The following SLC7A8 variants were observed in gnomAD, a reference collection of about 807,000 sequenced individuals.
SLC7A8 encodes the protein solute carrier family 7 member 8.
SLC7A8 carries 30 observed loss-of-function variants against 51.2 expected under a neutral mutation model. The ratio of observed to expected loss-of-function variants is 0.59; its 90% CI spans 0.44 to 0.80. The LOEUF (loss-of-function observed/expected upper bound fraction) is 0.80, where lower values mean the gene tolerates loss of function less well. SLC7A8 is among the 30% of genes least tolerant of loss of function. SLC7A8 has a pLI of 0.00. For synonymous variants in SLC7A8, 257 were observed against 275.8 expected (o/e 0.93, Z 0.67); for missense variants, 612 against 674.4 (o/e 0.91, Z 1.03).
In SLC7A8 at chr14:23,182,775, C is replaced by A; in HGVS notation, c.140G>T (p.Gly47Val). The change falls in exon 1 of 11, where the codon GGT (glycine) becomes GTT (valine). Residue 47 changes from glycine to valine, a missense_variant. Physicochemically the swap from Gly to Val is moderately radical, Grantham distance 109. Transcript: ENST00000316902. ...KKEIGLVSAC[G>V]IIVGNIIGSG... Reference sequence around the variant, plus strand: ...GGAATGGAACTCACCTACGATGATACCACAGGCACTGACCAATCCGATCTC... The same window carrying A: ...GGAATGGAACTCACCTACGATGATAACACAGGCACTGACCAATCCGATCTC... 1.0e-5 allele frequency: 16 copies of A among 1,593,048 alleles called. No individual in the cohort carries two copies. The highest frequency in any genetic ancestry group is 1.3e-5 in the Non-Finnish European group (15 of 1,171,240).
intron 7 of SLC7A8, among the ~76,000 whole-genome samples, chr14:23,136,202 C>A (rs1033257923): frequency 2.1e-4 from 32 of 152,152 alleles, no homozygotes; most frequent in African/African-American, 7.7e-4. Flanking sequence ...TAAGCAGTAA[C>A]CATCATGAAC....
At chr14:23,174,964 C>T (rs1464321601) in intron 1 of SLC7A8, among the ~76,000 whole-genome samples, 1 of 152,146 alleles carries the variant, frequency 6.6e-6, no homozygotes, top group African/African-American at 2.4e-5. Context: ...TTTCTAGATC[C>T]ATCTCCCTCT....
At chr14:23,133,448 A>C (rs2048659495) in intron 7 of SLC7A8, among the ~76,000 whole-genome samples, 1 of 151,674 alleles carries the variant, frequency 6.6e-6, no homozygotes, top group Non-Finnish European at 1.5e-5. Flanking sequence ...CTCAAAAAAA[A>C]AAAAAAAAAA....
intron 3 of SLC7A8, among the ~76,000 whole-genome samples, chr14:23,147,422 C>T (rs557940927): frequency 3.3e-5 from 5 of 152,308 alleles, no homozygotes; most frequent in African/African-American, 1.2e-4. Flanking sequence ...AAGCTATTCA[C>T]GGAAGCTAGT....
At chr14:23,170,712 G>A (rs1483203343) in intron 1 of SLC7A8, among the ~76,000 whole-genome samples, 1 of 151,838 alleles carries the variant, frequency 6.6e-6, no homozygotes, top group Non-Finnish European at 1.5e-5. Flanking sequence ...GCCTGCCTCG[G>A]CCTCCCAAAG....
chr14:23,139,005 G>A (rs2048716407), intron 6 of SLC7A8, among the ~76,000 whole-genome samples: 1 of 152,194 alleles, frequency 6.6e-6, no homozygotes, highest in South Asian at 2.1e-4. Context: ...TTCTGCTTCT[G>A]GAGGAGAAGG....
chr14:23,169,211 AG>A (rs1386238208), intron 1 of SLC7A8, among the ~76,000 whole-genome samples: 16 of 152,160 alleles, frequency 1.1e-4, no homozygotes, highest in Non-Finnish European at 2.2e-4. Context: ...TTTTTTAATT[AG>A]CCAGACATGG....
rs1323635114 is a variant in SLC7A8 at position 23,127,031 on chromosome 14, T to TTG, written c.*145_*146insCA. The TTG allele has an allele frequency of 4.2e-6, 4 of 954,000 alleles. No homozygotes were observed. The Admixed American group carries it at 1.1e-4, about 26-fold the overall frequency. The allele number at this position is 954,000 out of a possible 1,614,324, so 59.1% of individuals were successfully genotyped here. A position where few individuals can be genotyped will look rare whatever the true frequency, so the allele number is the denominator to read the frequency against. ...ATGAATGTCAGTTTTTGTTTACAAT[T>TTG]TCTCACCACCCACACCAAAGTCCTA... On this transcript the variant is annotated 3_prime_UTR_variant, in exon 11 of 11. Transcript: ENST00000316902.
intron 3 of SLC7A8, among the ~76,000 whole-genome samples, chr14:23,147,250 C>T (rs2140319591): frequency 6.6e-6 from 1 of 152,304 alleles, no homozygotes; most frequent in African/African-American, 2.4e-5. Context: ...TCCATCCACC[C>T]ATCTACTCAT....
intron 9 of SLC7A8, chr14:23,129,163 G>T: frequency 6.1e-6 from 1 of 164,924 alleles, no homozygotes; most frequent in Non-Finnish European, 1.3e-5. Context: ...AGTTTATAAA[G>T]GGAGGATCAT....
intron 3 of SLC7A8, among the ~76,000 whole-genome samples, chr14:23,158,199 T>C (rs2048903869): frequency 6.6e-6 from 1 of 152,200 alleles, no homozygotes; most frequent in Non-Finnish European, 1.5e-5. Flanking sequence ...GAATAAAGTG[T>C]TGCATTTATA....
chr14:23,138,984 G>A (rs945068304), intron 6 of SLC7A8, among the ~76,000 whole-genome samples: 9 of 152,184 alleles, frequency 5.9e-5, no homozygotes, highest in African/African-American at 2.2e-4. Context: ...TCCCCAAAGA[G>A]CACACCTGAC....
rs574803156 is a variant in SLC7A8 at position 23,178,607 on chromosome 14, C to CT, written c.151+4156dup. 2.2e-4 allele frequency among the ~76,000 whole-genome samples: 32 copies of CT among 145,208 alleles called. No homozygotes were observed. In the East Asian group the frequency reaches 3.0e-3, roughly 14 times the overall value. ...GATTCAGAAACATATAAGACACTTG[C>CT]TTTTTTTTTTTAAGAGGCAAGGTTT... is the stretch of plus-strand genomic sequence containing the variant. On this transcript the variant is annotated intron_variant, in intron 1 of 10. Transcript: ENST00000316902.
In SLC7A8 at chr14:23,126,027, G is replaced by C. The variant is rs1215084065; in HGVS notation, c.*1150C>G. The C allele has an allele frequency of 6.5e-6, 1 of 152,912 alleles. No individual in the cohort carries two copies. The highest frequency in any genetic ancestry group is 1.5e-5 in the Non-Finnish European group (1 of 68,268). 9.5% of individuals were successfully genotyped at this position (152,912 alleles called of 1,614,324 possible). A position where few individuals can be genotyped will look rare whatever the true frequency, so the allele number is the denominator to read the frequency against. On this transcript the variant is annotated 3_prime_UTR_variant, in exon 11 of 11. Coordinates refer to ENST00000316902, the MANE Select transcript of SLC7A8 (RefSeq NM_012244.4). ...TGGGGATGGATGGGAAAGGAACTGG[G>C]CTTCAGCCAATGCTCTCCTCAGTCT...
intron 1 of SLC7A8, among the ~76,000 whole-genome samples, chr14:23,168,294 G>A (rs2048959873): frequency 6.6e-6 from 1 of 152,190 alleles, no homozygotes; most frequent in Admixed American, 6.5e-5. Flanking sequence ...GAAGTACTGG[G>A]TTAGCAGGGA....
intron 6 of SLC7A8, among the ~76,000 whole-genome samples, chr14:23,138,366 G>A (rs963021103): frequency 6.6e-6 from 1 of 152,194 alleles, no homozygotes; most frequent in Non-Finnish European, 1.5e-5. Context: ...AGCATTGGAA[G>A]CCAGGTGGTG....
intron 4 of SLC7A8, among the ~76,000 whole-genome samples, chr14:23,141,450 T>G (rs556994864): frequency 4.2e-4 from 64 of 152,296 alleles, no homozygotes; most frequent in Non-Finnish European, 7.9e-4. Context: ...TGGTCTCTCT[T>G]TTCTTTTTTG....
chr14:23,133,166 G>C (rs900363290), intron 7 of SLC7A8, among the ~76,000 whole-genome samples: 1 of 152,142 alleles, frequency 6.6e-6, no homozygotes, highest in Non-Finnish European at 1.5e-5. Context: ...GTCTGGGCAC[G>C]GTGGGTAACA....
At chr14:23,179,934 C>CTCA (rs1877091269) in intron 1 of SLC7A8, among the ~76,000 whole-genome samples, 1 of 140,588 alleles carries the variant, frequency 7.1e-6, no homozygotes, top group Non-Finnish European at 1.5e-5. Flanking sequence ...GAGATGGAGT[C>CTCA]TCACTCTGTC....
Sources: gnomAD v4.1 joint callset for allele counts (sites outside exome capture counted in the v4.1 genomes callset) on GRCh38, gnomAD v4.1.1 for gene constraint, MANE v1.5 for transcripts, NCBI Gene and HGNC (gene_info 2026-07-23, HGNC 2026-07-21) for gene names.